The following CLPX variants were observed in gnomAD, a reference collection of about 807,000 sequenced individuals.
CLPX encodes ATP-dependent clpX-like chaperone, mitochondrial.
In CLPX, 34 loss-of-function variants were observed where a neutral mutation model predicts 76.4. The ratio of observed to expected loss-of-function variants is 0.45; its 90% CI spans 0.34 to 0.59. The LOEUF is 0.59. Ranked by LOEUF, CLPX falls within the 20% of genes least tolerant of loss-of-function variation. CLPX has a pLI of 0.01. For synonymous variants in CLPX, 248 were observed against 270.9 expected (o/e 0.92, Z 0.83); for missense variants, 613 against 757.0 (o/e 0.81, Z 2.23).
In CLPX at chr15:65,173,197, T is replaced by C. The variant is rs186765567; in HGVS notation, c.358+5737A>G. On this transcript the variant is annotated intron_variant, in intron 3 of 13. Transcript: ENST00000300107. The stretch of plus-strand genomic sequence containing the variant: ...TCAGCCTGACCAACATAGTGAAATC[T>C]TGTCTCTACTAAAAATACAAAAATC... 1.2e-3 allele frequency among the ~76,000 whole-genome samples: 186 copies of C among 151,926 alleles called. 2 individuals carry two copies. Among genetic ancestry groups the C allele is most frequent in the Non-Finnish European group, 4.1e-4 (28 of 67,918 alleles).
intron 13 of CLPX, among the ~76,000 whole-genome samples, chr15:65,151,456 G>GAAAAAAAAA (rs529752332): frequency 4.0e-5 from 3 of 74,594 alleles, no homozygotes; most frequent in African/African-American, 1.2e-4. Context: ...ATTACTGGGA[G>GAAAAAAAAA]AAAAAAAAAA....
intron 1 of CLPX, among the ~76,000 whole-genome samples, chr15:65,182,130 AAAAG>A (rs1375906935): frequency 3.6e-4 from 55 of 151,700 alleles, no homozygotes; most frequent in East Asian, 1.4e-3. Context: ...AAAAAAAAAA[AAAAG>A]AAAGAAAGAA....
chr15:65,179,618 T>C (rs2088137231), intron 2 of CLPX, among the ~76,000 whole-genome samples: 1 of 152,290 alleles, frequency 6.6e-6, no homozygotes, highest in South Asian at 2.1e-4. Context: ...AGCTACAACA[T>C]AAAGTTATAC....
rs571612611 is a variant in CLPX at position 65,179,083 on chromosome 15, T to C, written c.241-32A>G. The C allele has an allele frequency of 2.0e-5, 28 of 1,370,090 alleles. 2 individuals are homozygous for C. The South Asian group carries it at 3.1e-4, about 15-fold the overall frequency. 84.9% of individuals were successfully genotyped at this position (1,370,090 alleles called of 1,614,324 possible). ...TTTATGAAGGAGAAAAAAGGAAGAG[T>C]GTCAATTATTAGTTTCAGGCAACCA... On this transcript the variant is annotated intron_variant, in intron 2 of 13. Coordinates refer to ENST00000300107, the MANE Select transcript of CLPX (RefSeq NM_006660.5).
chr15:65,165,798 C>T (rs1318073133), intron 4 of CLPX, among the ~76,000 whole-genome samples: 1 of 152,032 alleles, frequency 6.6e-6, no homozygotes, highest in Admixed American at 6.6e-5. Flanking sequence ...AGTTGTTGAC[C>T]ATATACATTT....
intron 12 of CLPX, among the ~76,000 whole-genome samples, 159 bp downstream of exon 12, chr15:65,153,388 G>A (rs1031924348): frequency 6.6e-6 from 1 of 152,094 alleles, no homozygotes; most frequent in East Asian, 1.9e-4. Flanking sequence ...CCTGGGAGGT[G>A]GAGATTGCAG....
intron 3 of CLPX, among the ~76,000 whole-genome samples, chr15:65,170,791 C>T (rs1312567007): frequency 6.7e-6 from 1 of 148,292 alleles, no homozygotes; most frequent in East Asian, 2.1e-4. Flanking sequence ...ACTTCATTAT[C>T]AATTCAATCA....
In CLPX at chr15:65,150,825, A is replaced by T. The variant is rs1363338754; in HGVS notation, c.1900T>A (p.Ter634LysextTer19). Residue 634 changes from the stop codon to lysine (K), a stop_lost, in exon 14 of 14, where the codon TAA becomes AAA. Transcript: ENST00000300107. Reference sequence around the variant, plus strand: ...ATACAAGACAGCAATATGACAGTTTAGCTGTTTGCAGCATCTGCTTGGCGG... The same window carrying T: ...ATACAAGACAGCAATATGACAGTTTTGCTGTTTGCAGCATCTGCTTGGCGG... ...WPRQADAANS[*>K] The T allele has an allele frequency of 5.6e-6, 9 of 1,605,032 alleles. No individual in the cohort carries two copies. Among genetic ancestry groups the T allele is most frequent in the Non-Finnish European group, 7.7e-6 (9 of 1,172,230 alleles).
At chr15:65,152,898 CTTT>C (rs1056417455) in intron 12 of CLPX, among the ~76,000 whole-genome samples, 5 of 149,282 alleles carry the variant, frequency 3.3e-5, no homozygotes, top group Non-Finnish European at 5.9e-5. Flanking sequence ...TGCCCAGCCT[CTTT>C]TTTTTTGTTT....
Position 65,158,658 on chromosome 15 carries a change from CGTTTTTCCTGAGGTATTT to C in CLPX, c.791_808del (p.Gln264_Lys269del). On this transcript the variant is annotated inframe_deletion, in exon 7 of 14. Coordinates refer to ENST00000300107, the MANE Select transcript of CLPX (RefSeq NM_006660.5). ...AGAAGAATCCAATACTTCACCTCCT[CGTTTTTCCTGAGGTATTT>C]GTTGATTTACCTGTTGCTGCATTGA... 1 of 1,613,782 alleles carries C rather than the reference CGTTTTTCCTGAGGTATTT, an allele frequency of 6.2e-7. No individual in the cohort carries two copies. Among genetic ancestry groups the C allele is most frequent in the Non-Finnish European group, 8.5e-7 (1 of 1,179,804 alleles).
In CLPX at chr15:65,158,693, C is replaced by A. The variant is rs750953705; in HGVS notation, c.774G>T (p.Gln258His). Residue 258 changes from glutamine to histidine, a missense_variant, in exon 7 of 14, where the codon CAG becomes CAT. Physicochemically the swap from Gln to His is conservative, Grantham distance 24 (BLOSUM62 0). Transcript: ENST00000300107. ...PHGNALGASM[Q>H]QQVNQQIPQE... Reference sequence around the variant, plus strand: ...GAGGTATTTGTTGATTTACCTGTTGCTGCATTGATGCTCCTAAAGCATTAC... The same window carrying A: ...GAGGTATTTGTTGATTTACCTGTTGATGCATTGATGCTCCTAAAGCATTAC... 2 of 1,613,676 alleles carry A rather than the reference C, an allele frequency of 1.2e-6. No homozygotes were observed. Among genetic ancestry groups the A allele is most frequent in the Non-Finnish European group, 1.7e-6 (2 of 1,179,814 alleles).
intron 13 of CLPX, among the ~76,000 whole-genome samples, chr15:65,151,246 G>A (rs2087715445): frequency 6.7e-6 from 1 of 150,364 alleles, no homozygotes; most frequent in African/African-American, 2.5e-5. Context: ...TCAGGAGGCT[G>A]AGGCAAGGGA....
intron 6 of CLPX, 44 bp downstream of exon 6, chr15:65,162,560 T>C (rs1018413053): frequency 7.3e-6 from 10 of 1,361,298 alleles, no homozygotes; most frequent in African/African-American, 1.4e-5. Context: ...GAAATAAATG[T>C]CAAAAGGAAG....
intron 3 of CLPX, among the ~76,000 whole-genome samples, chr15:65,171,832 C>G (rs1389818873): frequency 1.3e-5 from 2 of 152,200 alleles, no homozygotes; most frequent in African/African-American, 4.8e-5. Flanking sequence ...AATCACATCC[C>G]TCTTTGCTTA....
At chr15:65,167,649 G>A (rs1157507819) in intron 3 of CLPX, among the ~76,000 whole-genome samples, 1 of 151,148 alleles carries the variant, frequency 6.6e-6, no homozygotes, top group Non-Finnish European at 1.5e-5. Flanking sequence ...ACTGAGGCAG[G>A]TGGATCACCT....
chr15:65,170,356 G>A (rs1424353282), intron 3 of CLPX, among the ~76,000 whole-genome samples: 1 of 151,996 alleles, frequency 6.6e-6, no homozygotes, highest in East Asian at 1.9e-4. Flanking sequence ...TTTCCTTTGG[G>A]AAAATTTTAA....
In CLPX at chr15:65,185,222, C is replaced by A; in HGVS notation, c.-69G>T. Reference sequence around the variant, plus strand: ...GGGTCACAGCGGCGTGAATCCTGCCCGCAAGGCGCGCTGACTCGGTTCCGA... The same window carrying A: ...GGGTCACAGCGGCGTGAATCCTGCCAGCAAGGCGCGCTGACTCGGTTCCGA... On this transcript the variant is annotated 5_prime_UTR_variant, in exon 1 of 14. Transcript: ENST00000300107. 7.5e-7 allele frequency: 1 copy of A among 1,327,710 alleles called. No individual in the cohort carries two copies. The highest frequency in any genetic ancestry group is 1.3e-5 in the South Asian group (1 of 76,382). 82.2% of individuals were successfully genotyped at this position (1,327,710 alleles called of 1,614,324 possible). A position where few individuals can be genotyped will look rare whatever the true frequency, so the allele number is the denominator to read the frequency against.
chr15:65,153,450 T>A, intron 12 of CLPX, 97 bp downstream of exon 12: 1 of 773,000 alleles, frequency 1.3e-6, no homozygotes, highest in Non-Finnish European at 2.2e-6. Flanking sequence ...TGTCTCAAAA[T>A]ATATATACAT....
intron 4 of CLPX, 129 bp downstream of exon 4, chr15:65,166,502 T>TGGTCC (rs1210950675): frequency 1.1e-6 from 1 of 941,824 alleles, no homozygotes; most frequent in Non-Finnish European, 1.6e-6. Flanking sequence ...TAGCCACATA[T>TGGTCC]GGTCCATATT....
Sources: allele counts gnomAD v4.1 joint callset (sites outside exome capture counted in the v4.1 genomes callset), GRCh38; gene constraint gnomAD v4.1.1; transcripts MANE v1.5; gene names NCBI Gene and HGNC (gene_info 2026-07-23, HGNC 2026-07-21).